EFR3B: variants seen among roughly 807,000 people sequenced by gnomAD.
EFR3B encodes the protein protein EFR3 homolog B.
EFR3B carries 64 observed loss-of-function variants against 104.7 expected under a neutral mutation model. The ratio of observed to expected loss-of-function variants is 0.61; its 90% confidence interval spans 0.50 to 0.75. EFR3B has a LOEUF of 0.75. Among genes scored for constraint, EFR3B ranks in the 30% least tolerant of loss-of-function variants. The pLI is 0.00. For missense variants in EFR3B, 750 were observed against 1,078.5 expected, an observed-to-expected ratio of 0.70 and a Z score of 4.27; for synonymous variants, 385 against 417.9, an observed-to-expected ratio of 0.92 and a Z score of 0.96.
intron 3 of EFR3B, among the ~76,000 whole-genome samples, chr2:25,094,762 G>T (rs1414293220): frequency 2.0e-5 from 3 of 151,960 alleles, no homozygotes; most frequent in East Asian, 1.9e-4. Context: ...TGATCCCAAA[G>T]AATCAAATTT....
At chr2:25,139,817 C>T (rs72807687) in intron 16 of EFR3B, among the ~76,000 whole-genome samples, 1 of 152,214 alleles carries the variant, frequency 6.6e-6, no homozygotes, top group Admixed American at 6.5e-5. Flanking sequence ...GTATATCCGT[C>T]TGCATGCCTG....
intron 1 of EFR3B, among the ~76,000 whole-genome samples, chr2:25,064,232 G>C (rs765650901): frequency 3.3e-5 from 5 of 152,220 alleles, no homozygotes; most frequent in African/African-American, 1.2e-4. Context: ...TGCTGCAACA[G>C]TCTCTCTGAT....
In EFR3B at chr2:25,048,546, C is replaced by T. The variant is rs114790215; in HGVS notation, c.7+6227C>T. ...TTCGGAATTTTTCCCTAGACTGTAG[C>T]CCTTCAAATGGATTGGTCAAGGTAT... On this transcript the variant is annotated intron_variant, in intron 1 of 22. Transcript: ENST00000403714. Among the ~76,000 whole-genome samples the T allele has an allele frequency of 8.4e-4, 128 of 152,334 alleles. 1 individual carries two copies. Among genetic ancestry groups the T allele is most frequent in the African/African-American group, 3.0e-3 (124 of 41,576 alleles).
chr2:25,121,982 T>A (rs1048002409), intron 5 of EFR3B, among the ~76,000 whole-genome samples, 188 bp downstream of exon 5: 2 of 151,882 alleles, frequency 1.3e-5, no homozygotes, highest in Non-Finnish European at 2.9e-5. Context: ...TTTTTTTCTT[T>A]TTGAGACCGA....
chr2:25,082,341 A>G (rs1668832269), intron 1 of EFR3B, among the ~76,000 whole-genome samples: 1 of 152,186 alleles, frequency 6.6e-6, no homozygotes, highest in Non-Finnish European at 1.5e-5. Context: ...GGCCTTGGGC[A>G]GACAGGAGGA....
intron 1 of EFR3B, among the ~76,000 whole-genome samples, chr2:25,090,748 A>G (rs1046979088): frequency 3.3e-5 from 5 of 152,190 alleles, no homozygotes; most frequent in African/African-American, 4.8e-5. Context: ...ATAACTTTCT[A>G]TAATGGAAAT....
chr2:25,154,292 C>T lies in EFR3B; in HGVS notation c.2406C>T (p.His802=). The T allele has an allele frequency of 1.9e-5, 29 of 1,552,082 alleles. No homozygotes were observed. The highest frequency in any genetic ancestry group is 2.5e-5 in the Non-Finnish European group (29 of 1,147,088). The change falls in exon 23 of 23, where the codon CAC becomes CAT. Residue 802 remains histidine (H), a synonymous_variant. Coordinates refer to ENST00000403714, the MANE Select transcript of EFR3B (RefSeq NM_014971.2). The surrounding 1 kb of genome is among the most constrained non-coding windows in gnomAD (Gnocchi z 4.1). The part of the protein sequence containing the change: ...ITAAYGQPQN[H]SIPVYEMKFP... ...CAGCCTACGGTCAGCCGCAGAACCA[C>T]TCCATCCCCGTCTATGAAATGAAGT...
chr2:25,093,136 T>G lies in EFR3B; in HGVS notation c.212+6T>G. 6.4e-7 allele frequency: 1 copy of G among 1,551,536 alleles called. No individual in the cohort carries two copies. ...GTGGGTCGCCATCGATATGGGTAAG[T>G]AGTTTGGAAGAGAGGGAGAGAGATT... On this transcript the variant is annotated splice_donor_region_variant and intron_variant, in intron 3 of 22. Transcript: ENST00000403714.
chr2:25,082,382 T>C (rs971096963), intron 1 of EFR3B, among the ~76,000 whole-genome samples: 1 of 152,184 alleles, frequency 6.6e-6, no homozygotes, highest in African/African-American at 2.4e-5. Flanking sequence ...ATGCCCAGTA[T>C]GTCTGCCTGG....
intron 18 of EFR3B, among the ~76,000 whole-genome samples, chr2:25,144,548 A>T (rs2149211698): frequency 6.6e-6 from 1 of 152,322 alleles, no homozygotes; most frequent in African/African-American, 2.4e-5. Context: ...CGTCTAAAAA[A>T]AAAACAAAAA....
At chr2:25,149,666 C>T (rs777043327) in intron 19 of EFR3B, 28 bp from the exon 20 acceptor site, 1 of 1,550,982 alleles carries the variant, frequency 6.4e-7, no homozygotes, top group Non-Finnish European at 8.7e-7. Context: ...CCCTGCCTTT[C>T]TGAGCATCTC....
intron 1 of EFR3B, among the ~76,000 whole-genome samples, chr2:25,051,008 C>T (rs1667851765): frequency 6.6e-6 from 1 of 152,178 alleles, no homozygotes; most frequent in South Asian, 2.1e-4. Context: ...GGTTGAGTGA[C>T]TGATTCCCCT....
At chr2:25,086,895 A>G (rs1217418277) in intron 1 of EFR3B, among the ~76,000 whole-genome samples, 1 of 152,084 alleles carries the variant, frequency 6.6e-6, no homozygotes, top group Non-Finnish European at 1.5e-5. Flanking sequence ...GTCTGGCCCC[A>G]TTTTTAATTG....
At chr2:25,091,467 C>A in intron 2 of EFR3B, 66 bp downstream of exon 2, 2 of 1,430,822 alleles carry the variant, frequency 1.4e-6, no homozygotes, top group Non-Finnish European at 1.9e-6. Flanking sequence ...ACGGGGGCAG[C>A]TTGGAAGCCA....
chr2:25,120,191 CA>C (rs148865567), intron 4 of EFR3B, among the ~76,000 whole-genome samples: 1 of 147,916 alleles, frequency 6.8e-6, no homozygotes, highest in Non-Finnish European at 1.5e-5. Flanking sequence ...GCTGTCTCTA[CA>C]AAAAAAAAAT....
chr2:25,120,514 C>T (rs538804279), intron 4 of EFR3B, among the ~76,000 whole-genome samples: 53 of 152,040 alleles, frequency 3.5e-4, no homozygotes, highest in African/African-American at 1.2e-3. Context: ...CATGGTGGCA[C>T]GCATCTGTAG....
Position 25,137,481 on chromosome 2 carries a change from C to T in EFR3B, c.1701C>T (p.Ile567=). Reference sequence around the variant, plus strand: ...ACGAGGAGGTGGTGGTGGACCTCATCCGTCTGGTGCTGGCTGTTCAGGTGG... The same window carrying T: ...ACGAGGAGGTGGTGGTGGACCTCATTCGTCTGGTGCTGGCTGTTCAGGTGG... ...LANEEVVVDL[I]RLVLAVQDVA... is the part of the protein sequence containing the mutation. The change falls in exon 15 of 23, where the codon ATC becomes ATT. Residue 567 remains isoleucine (I), a synonymous_variant. Coordinates refer to ENST00000403714, the MANE Select transcript of EFR3B (RefSeq NM_014971.2). The surrounding 1 kb of genome is among the most constrained non-coding windows in gnomAD (Gnocchi z 4.7). The T allele has an allele frequency of 6.4e-7, 1 of 1,551,714 alleles. No homozygotes were observed.
chr2:25,083,408 A>G (rs923799955), intron 1 of EFR3B, among the ~76,000 whole-genome samples: 3 of 152,252 alleles, frequency 2.0e-5, no homozygotes, highest in Admixed American at 6.5e-5. Flanking sequence ...TACCATCAGA[A>G]GTAAGATGGA....
At chr2:25,056,423 C>T (rs1281905122) in intron 1 of EFR3B, among the ~76,000 whole-genome samples, 1 of 135,396 alleles carries the variant, frequency 7.4e-6, no homozygotes, top group African/African-American at 2.8e-5. Flanking sequence ...GATTTCCATT[C>T]ATATTACTTG....
Sources: allele counts gnomAD v4.1 joint callset (sites outside exome capture counted in the v4.1 genomes callset), GRCh38; gene constraint gnomAD v4.1.1; non-coding constraint Gnocchi (gnomAD v3.1); transcripts MANE v1.5; gene names NCBI Gene and HGNC (gene_info 2026-07-23, HGNC 2026-07-21).